Variants in RGS7 observed in about 807,000 individuals in gnomAD.
RGS7 encodes the protein regulator of G protein signaling 7, also known as regulator of G-protein signaling 7.
In RGS7, 27 loss-of-function variants were observed where a neutral mutation model predicts 81.1. The ratio of observed to expected loss-of-function variants is 0.33; its 90% CI spans 0.25 to 0.46. RGS7 has a LOEUF of 0.46. RGS7 is among the 20% of genes least tolerant of loss of function. RGS7 has a pLI of 1.00. For missense variants in RGS7, 396 were observed against 607.4 expected (o/e 0.65, Z 3.66); for synonymous variants, 208 against 207.7 (o/e 1.00, Z -0.01).
intron 2 of RGS7, among the ~76,000 whole-genome samples, chr1:241,128,777 C>CAAAA (rs71172680): frequency 6.2e-4 from 48 of 77,934 alleles, no homozygotes; most frequent in African/African-American, 6.9e-4. Context: ...GAATAATAGG[C>CAAAA]AAAAAAAAAA....
At chr1:241,040,421 G>A (rs1375845119) in intron 3 of RGS7, among the ~76,000 whole-genome samples, 1 of 152,038 alleles carries the variant, frequency 6.6e-6, no homozygotes, top group Non-Finnish European at 1.5e-5. Flanking sequence ...CTCTTACAAG[G>A]AGCTTGACAT....
At chr1:241,013,290 T>C (rs1191742569) in intron 3 of RGS7, among the ~76,000 whole-genome samples, 2 of 152,108 alleles carry the variant, frequency 1.3e-5, no homozygotes, top group East Asian at 1.9e-4. Context: ...CTTGAACTCC[T>C]GACCCCAAGT....
intron 3 of RGS7, among the ~76,000 whole-genome samples, chr1:241,044,388 G>A (rs2060798507): frequency 6.6e-6 from 1 of 152,030 alleles, no homozygotes; most frequent in African/African-American, 2.4e-5. Context: ...GGGAATACAG[G>A]CATGAGCTAC....
intron 2 of RGS7, among the ~76,000 whole-genome samples, chr1:241,100,192 G>A (rs1352796546): frequency 6.6e-6 from 1 of 151,116 alleles, no homozygotes; most frequent in Non-Finnish European, 1.5e-5. Flanking sequence ...TGGCTAACAC[G>A]GTGAAACCCC....
chr1:241,323,436 G>A (rs1558316142), intron 2 of RGS7, among the ~76,000 whole-genome samples: 1 of 152,286 alleles, frequency 6.6e-6, no homozygotes, highest in South Asian at 2.1e-4. Context: ...CCCTGACCCC[G>A]TTGTAGGAAT....
At chr1:241,063,615 T>C (rs1456135916) in intron 3 of RGS7, among the ~76,000 whole-genome samples, 1 of 152,224 alleles carries the variant, frequency 6.6e-6, no homozygotes, top group Non-Finnish European at 1.5e-5. Context: ...TTCACCGGCT[T>C]TTGATCTGGA....
chr1:240,878,357 C>T (rs941949290), intron 6 of RGS7, among the ~76,000 whole-genome samples: 3 of 152,184 alleles, frequency 2.0e-5, no homozygotes, highest in South Asian at 4.1e-4. Context: ...ATTCTGTTCA[C>T]CAATCAATCC....
chr1:240,841,869 C>A (rs1658070300), intron 9 of RGS7, among the ~76,000 whole-genome samples: 1 of 152,080 alleles, frequency 6.6e-6, no homozygotes, highest in Non-Finnish European at 1.5e-5. Context: ...AAGGACCATG[C>A]CACTTTTAAA....
At chr1:241,005,526 GCTT>G (rs1414376276) in intron 3 of RGS7, among the ~76,000 whole-genome samples, 1 of 151,846 alleles carries the variant, frequency 6.6e-6, no homozygotes, top group African/African-American at 2.4e-5. Context: ...CTAGCGTCTG[GCTT>G]CTTTTTATTT....
intron 2 of RGS7, among the ~76,000 whole-genome samples, chr1:241,313,391 G>T (rs12728584): frequency 6.6e-6 from 1 of 152,132 alleles, no homozygotes; most frequent in African/African-American, 2.4e-5. Context: ...GGCTAATGCC[G>T]CTGGTGACTT....
chr1:241,041,603 A>G (rs1323619193), intron 3 of RGS7, among the ~76,000 whole-genome samples: 1 of 152,156 alleles, frequency 6.6e-6, no homozygotes, highest in East Asian at 1.9e-4. Context: ...CTTTGACCCC[A>G]AAACTCCCAC....
intron 6 of RGS7, among the ~76,000 whole-genome samples, chr1:240,883,849 G>T (rs927634827): frequency 2.0e-5 from 3 of 152,136 alleles, no homozygotes; most frequent in Non-Finnish European, 4.4e-5. Flanking sequence ...GCTGAGGCGG[G>T]TGGATCACCT....
chr1:240,887,877 C>T (rs544079936), intron 6 of RGS7, among the ~76,000 whole-genome samples: 2 of 152,144 alleles, frequency 1.3e-5, no homozygotes, highest in South Asian at 4.1e-4. Flanking sequence ...ACTTATCTTG[C>T]TACCCAAACG....
At chr1:240,793,611 A>ATATATATATATATATATATTTTTTTTTTT in intron 18 of RGS7, among the ~76,000 whole-genome samples, 2 of 78,872 alleles carry the variant, frequency 2.5e-5, no homozygotes, top group African/African-American at 1.9e-4. Flanking sequence ...ATATATATAT[A>ATATATATATATATATATATTTTTTTTTTT]TTTTTTTTTT....
At chr1:241,241,638 GA>G (rs2076261556) in intron 2 of RGS7, among the ~76,000 whole-genome samples, 1 of 151,980 alleles carries the variant, frequency 6.6e-6, no homozygotes, top group Non-Finnish European at 1.5e-5. Context: ...GGGATTTTGT[GA>G]CCTCAAAGTA....
intron 5 of RGS7, among the ~76,000 whole-genome samples, chr1:240,931,037 A>G (rs1479500839): frequency 1.3e-5 from 2 of 152,226 alleles, no homozygotes; most frequent in African/African-American, 2.4e-5. Flanking sequence ...AACTGACATA[A>G]AGGCAAAAAG....
intron 18 of RGS7, among the ~76,000 whole-genome samples, chr1:240,784,961 A>G (rs988907568): frequency 2.6e-5 from 4 of 152,124 alleles, no homozygotes; most frequent in Non-Finnish European, 4.4e-5. Flanking sequence ...ATGCTATTGG[A>G]CCAGAGATAG....
intron 14 of RGS7, among the ~76,000 whole-genome samples, chr1:240,808,878 TAAA>T (rs5782161): frequency 6.9e-6 from 1 of 145,838 alleles, no homozygotes. Context: ...CCATCTCTCT[TAAA>T]AAAAAAAAAA....
At chr1:241,139,985 T>C (rs746704130) in intron 2 of RGS7, among the ~76,000 whole-genome samples, 7 of 152,212 alleles carry the variant, frequency 4.6e-5, no homozygotes, top group Non-Finnish European at 1.0e-4. Context: ...TGTTTCTGTG[T>C]GCTACCCCTT....
Sources: gnomAD v4.1 joint callset for allele counts (sites outside exome capture counted in the v4.1 genomes callset) on GRCh38, gnomAD v4.1.1 for gene constraint, MANE v1.5 for transcripts, NCBI Gene and HGNC (gene_info 2026-07-23, HGNC 2026-07-21) for gene names.